The following MAD1L1 variants were observed in gnomAD, a reference collection of about 807,000 sequenced individuals.
MAD1L1 encodes the protein mitotic spindle assembly checkpoint protein MAD1.
Under a neutral mutation model 96.9 loss-of-function variants are expected in MAD1L1, and 95 were observed. That is an observed-to-expected ratio of 0.98 (90% confidence interval 0.83 to 1.16). The LOEUF (loss-of-function observed/expected upper bound fraction) is 1.16. Ranked by LOEUF, MAD1L1 falls within the 50% of genes most tolerant of loss-of-function variation. The pLI, the probability that MAD1L1 is intolerant of heterozygous loss-of-function variation, is 0.00. For missense variants in MAD1L1, 1,007 were observed against 954.4 expected, an observed-to-expected ratio of 1.06 and a Z score of -0.73; for synonymous variants, 473 against 396.6, an observed-to-expected ratio of 1.19 and a Z score of -2.29.
intron 10 of MAD1L1, among the ~76,000 whole-genome samples, chr7:2,167,530 C>A (rs1027130177): frequency 6.6e-6 from 1 of 151,910 alleles, no homozygotes; most frequent in African/African-American, 2.4e-5. Flanking sequence ...GCCTGGGCAA[C>A]AGAGCGAGAC....
chr7:2,122,966 G>A (rs1242312851), intron 11 of MAD1L1, among the ~76,000 whole-genome samples: 2 of 152,162 alleles, frequency 1.3e-5, no homozygotes, highest in East Asian at 1.9e-4. Flanking sequence ...TTATCAAGGC[G>A]ACCGGTACCT....
intron 4 of MAD1L1, among the ~76,000 whole-genome samples, 199 bp downstream of exon 4, chr7:2,225,211 T>A (rs1793819513): frequency 6.6e-6 from 1 of 152,074 alleles, no homozygotes; most frequent in Non-Finnish European, 1.5e-5. Context: ...TCTCATTTCC[T>A]ACGGCCTGGC....
chr7:1,887,743 G>A (rs538448180), intron 18 of MAD1L1, among the ~76,000 whole-genome samples: 33 of 151,272 alleles, frequency 2.2e-4, no homozygotes, highest in African/African-American at 7.5e-4. Flanking sequence ...GTGGCTTCCT[G>A]TGCATGTGTC....
chr7:1,906,161 G>C (rs887574131), intron 17 of MAD1L1, among the ~76,000 whole-genome samples: 21 of 152,034 alleles, frequency 1.4e-4, no homozygotes, highest in African/African-American at 2.4e-5. Context: ...TGAGGCAGCT[G>C]GCCCACGTGG....
chr7:1,977,172 G>A (rs145078370), intron 15 of MAD1L1, among the ~76,000 whole-genome samples: 2,764 of 152,372 alleles, frequency 0.018, 46 homozygotes, highest in Non-Finnish European at 0.029. Context: ...GGGCCGCGCC[G>A]TCGGGGAGGC....
chr7:1,914,889 C>T (rs1392830375), intron 17 of MAD1L1, among the ~76,000 whole-genome samples: 1 of 152,228 alleles, frequency 6.6e-6, no homozygotes, highest in Non-Finnish European at 1.5e-5. Context: ...GTTGGGATGA[C>T]AGGCATGAGT....
At chr7:1,907,683 A>C (rs1787752782) in intron 17 of MAD1L1, among the ~76,000 whole-genome samples, 1 of 152,234 alleles carries the variant, frequency 6.6e-6, no homozygotes, top group Non-Finnish European at 1.5e-5. Context: ...AGTGGGGGAA[A>C]CATCACCTGC....
In MAD1L1 at chr7:1,957,636, GCT is replaced by G; in HGVS notation, c.1587_1588del (p.Ala530SerfsTer4). 12 of 1,613,916 alleles carry G rather than the reference GCT, an allele frequency of 7.4e-6. No individual in the cohort carries two copies. Among genetic ancestry groups the G allele is most frequent in the Non-Finnish European group, 1.0e-5 (12 of 1,180,034 alleles). On this transcript the variant is annotated frameshift_variant, in exon 16 of 19. Transcript: ENST00000265854. LOFTEE classifies it high-confidence loss of function. The stretch of plus-strand genomic sequence containing the variant: ...AGGCTGCCCCGCCCTCACCTGCAGA[GCT>G]CGCCGCTCCAGCTGTGCCTCCAGCA...
chr7:2,047,396 T>C lies in MAD1L1; in HGVS notation c.1218+21798A>G, dbSNP rs538263122. Among the ~76,000 whole-genome samples the C allele has an allele frequency of 2.6e-5, 4 of 152,338 alleles. No homozygotes were observed. In the East Asian group the frequency reaches 7.7e-4, roughly 29 times the overall value. On this transcript the variant is annotated intron_variant, in intron 12 of 18. Coordinates refer to ENST00000265854, the MANE Select transcript of MAD1L1 (RefSeq NM_001013836.2). ...TTTTATTGGGGGCAGTTTAGCTCTT[T>C]ATGGGTGAAGTTAACCAAAAGAATA...
Position 1,936,772 on chromosome 7 carries a change from G to A in MAD1L1, c.1722C>T (p.Leu574=), listed in dbSNP as rs990092839. 3.8e-6 allele frequency: 6 copies of A among 1,575,126 alleles called. No homozygotes were observed. The East Asian group carries it at 7.0e-5, about 18-fold the overall frequency. ...TGCCTCCTCTCTCCATGGCGCGCAG[G>A]AGCCCGCGCAGTCGCTCGCACTCCG... is the stretch of plus-strand genomic sequence containing the variant. ...LQAECERLRG[L]LRAMERGGTV... is the part of the protein sequence containing the mutation. The change falls in exon 17 of 19, where the codon CTC becomes CTT. Residue 574 remains leucine, a synonymous_variant. Coordinates refer to ENST00000265854, the MANE Select transcript of MAD1L1 (RefSeq NM_001013836.2).
chr7:2,079,699 T>C (rs1785541128), intron 11 of MAD1L1: 1 of 470,892 alleles, frequency 2.1e-6, no homozygotes, highest in Admixed American at 2.3e-5. Context: ...GCTACCAACC[T>C]GTAATCGCCT....
chr7:1,844,360 C>T (rs1783467133), intron 18 of MAD1L1: 1 of 152,524 alleles, frequency 6.6e-6, no homozygotes, highest in African/African-American at 2.4e-5. Flanking sequence ...AGGTAGGGGC[C>T]CAGGGGCACA....
intron 11 of MAD1L1, among the ~76,000 whole-genome samples, chr7:2,091,548 G>A (rs1786214798): frequency 2.6e-5 from 4 of 152,222 alleles, no homozygotes; most frequent in Admixed American, 1.3e-4. Context: ...GGCCGAGGTG[G>A]GCGGATCACA....
At chr7:1,951,786 G>GT (rs368091289) in intron 16 of MAD1L1, among the ~76,000 whole-genome samples, 26 of 152,244 alleles carry the variant, frequency 1.7e-4, no homozygotes, top group African/African-American at 6.0e-4. Flanking sequence ...CCTTGAGGCT[G>GT]TATCTATCAT....
chr7:1,900,463 T>C (rs1485025814), intron 17 of MAD1L1, among the ~76,000 whole-genome samples: 2 of 152,156 alleles, frequency 1.3e-5, no homozygotes, highest in Middle Eastern at 3.2e-3. Flanking sequence ...AAGACGGCCC[T>C]GGGGGACACT....
chr7:1,859,222 C>A (rs1399382576), intron 18 of MAD1L1, among the ~76,000 whole-genome samples: 1 of 152,190 alleles, frequency 6.6e-6, no homozygotes, highest in Non-Finnish European at 1.5e-5. Context: ...AGAGCCACTT[C>A]CCAGAACGCT....
intron 11 of MAD1L1, among the ~76,000 whole-genome samples, chr7:2,131,956 T>C (rs1242535229): frequency 6.6e-6 from 1 of 152,130 alleles, no homozygotes; most frequent in Non-Finnish European, 1.5e-5. Flanking sequence ...GTGCCTCTAA[T>C]GGAAAGGCTG....
At position 2,215,950 on chromosome 7, in the gene MAD1L1, GCAGCCCTTC is replaced by G. The variant is rs777247737; in HGVS notation, c.850_858del (p.Glu284_Leu286del). ...TTCTCCTGGCGCCCCAGCTTCCTCT[GCAGCCCTTC>G]CAGCTCTTCCTGGAGCAGCCCGTTG... is the stretch of plus-strand genomic sequence containing the variant. On this transcript the variant is annotated inframe_deletion, in exon 9 of 19. Transcript: ENST00000265854. The G allele has an allele frequency of 1.9e-6, 3 of 1,614,156 alleles. No homozygotes were observed. Among genetic ancestry groups the G allele is most frequent in the Non-Finnish European group, 1.7e-6 (2 of 1,180,024 alleles).
chr7:2,070,140 C>T (rs1381717315), intron 11 of MAD1L1, among the ~76,000 whole-genome samples: 8 of 152,224 alleles, frequency 5.3e-5, no homozygotes, highest in African/African-American at 1.9e-4. Context: ...CTGGCAGTAG[C>T]GGGCCTCAGG....
Sources: allele counts gnomAD v4.1 joint callset (sites outside exome capture counted in the v4.1 genomes callset), GRCh38; gene constraint gnomAD v4.1.1; transcripts MANE v1.5; gene names NCBI Gene and HGNC (gene_info 2026-07-23, HGNC 2026-07-21).